Variants in TENM4 observed in about 807,000 individuals in gnomAD.
TENM4 encodes the protein teneurin transmembrane protein 4.
A neutral mutation model predicts 243.3 loss-of-function variants in TENM4; 82 were observed. The ratio of observed to expected loss-of-function variants is 0.34; its 90% CI spans 0.28 to 0.40. The LOEUF is 0.40. Ranked by LOEUF, TENM4 falls within the 10% of genes least tolerant of loss-of-function variation. The probability of loss-of-function intolerance (pLI) is 1.00; values close to 1 mark genes in which losing one functional copy is unlikely to be tolerated. For synonymous variants in TENM4, 1,412 were observed against 1,456.3 expected, an observed-to-expected ratio of 0.97 and a Z score of 0.69; for missense variants, 3,138 against 3,673.3, an observed-to-expected ratio of 0.85 and a Z score of 3.77.
In TENM4 at chr11:78,767,178, T is replaced by C. The variant is rs116767035; in HGVS notation, c.2539+3814A>G. On this transcript the variant is annotated intron_variant, in intron 18 of 33. Coordinates refer to ENST00000278550, the MANE Select transcript of TENM4 (RefSeq NM_001098816.3). Reference sequence around the variant, plus strand: ...GTCTGGACACAGTGAGAAGCTCTAATGTCGCCAAGACCTCACATACTCTGG... The same window carrying C: ...GTCTGGACACAGTGAGAAGCTCTAACGTCGCCAAGACCTCACATACTCTGG... Among the ~76,000 whole-genome samples the C allele has an allele frequency of 6.6e-3, 998 of 152,330 alleles. 11 individuals carry two copies. The highest frequency in any genetic ancestry group is 0.022 in the African/African-American group (935 of 41,590).
At chr11:78,861,071 A>G (rs1858807079) in intron 10 of TENM4, among the ~76,000 whole-genome samples, 1 of 152,194 alleles carries the variant, frequency 6.6e-6, no homozygotes. Flanking sequence ...CAGTTCCTTG[A>G]GGGTTAAGCA....
chr11:78,672,652 G>T (rs1043902723), intron 30 of TENM4, among the ~76,000 whole-genome samples: 2 of 152,206 alleles, frequency 1.3e-5, no homozygotes, highest in African/African-American at 4.8e-5. Context: ...ATGAGGACAC[G>T]TTTTAAAAGG....
At chr11:79,124,775 A>C (rs1333852147) in intron 4 of TENM4, among the ~76,000 whole-genome samples, 1 of 145,314 alleles carries the variant, frequency 6.9e-6, no homozygotes, top group African/African-American at 2.5e-5. Flanking sequence ...ATATATATAC[A>C]CATATATATG....
At chr11:79,337,281 G>A (rs532731308) in intron 1 of TENM4, among the ~76,000 whole-genome samples, 1 of 152,340 alleles carries the variant, frequency 6.6e-6, no homozygotes, top group Admixed American at 6.5e-5. Flanking sequence ...AGGAGCAGAT[G>A]TTTGATGGCA....
At position 78,805,294 on chromosome 11, in the gene TENM4, A is replaced by G; in HGVS notation, c.2177T>C (p.Ile726Thr). 1 of 294,960 alleles carries G rather than the reference A, an allele frequency of 3.4e-6. No homozygotes were observed. The highest frequency in any genetic ancestry group is 4.6e-6 in the Non-Finnish European group (1 of 217,598). 18.3% of individuals were successfully genotyped at this position (294,960 alleles called of 1,614,324 possible). A position where few individuals can be genotyped will look rare whatever the true frequency, so the allele number is the denominator to read the frequency against. The change falls in exon 15 of 34, where the codon ATC becomes ACC. Residue 726 changes from isoleucine to threonine, a missense_variant and splice_region_variant. By Grantham distance (89) the Ile-to-Thr change is moderately conservative (BLOSUM62 -1). This residue lies in a region of TENM4 where 2,467 missense variants were observed against 3,059.1 expected (regional missense o/e 0.81). Coordinates refer to ENST00000278550, the MANE Select transcript of TENM4 (RefSeq NM_001098816.3). ...DPSWTGHDCS[I>T]EICAADCGGH... ...GCTTCTTCTCCCCCTGCATTTACCGATAGAACAGTCGTGTCCAGTCCAGCT... is the reference window on the plus strand; with the variant it reads ...GCTTCTTCTCCCCCTGCATTTACCGGTAGAACAGTCGTGTCCAGTCCAGCT...
At chr11:78,970,238 G>T in intron 6 of TENM4, among the ~76,000 whole-genome samples, 1 of 152,088 alleles carries the variant, frequency 6.6e-6, no homozygotes, top group Non-Finnish European at 1.5e-5. Context: ...GCCAAAGAGG[G>T]ACCACGTATT....
At position 78,966,531 on chromosome 11, in the gene TENM4, G is replaced by C. The variant is rs186595108; in HGVS notation, c.494-63008C>G. On this transcript the variant is annotated intron_variant, in intron 6 of 33. Transcript: ENST00000278550. The stretch of plus-strand genomic sequence containing the variant: ...CACAGCTGCAAGGGAGCTGGAAGGA[G>C]GGGAGGGAGAGTGCACAAGGAGGTC... 5.1e-4 allele frequency among the ~76,000 whole-genome samples: 78 copies of C among 152,290 alleles called. 1 individual carries two copies. In the East Asian group the frequency reaches 0.014, roughly 26 times the overall value.
chr11:78,953,990 T>A (rs891421568), intron 6 of TENM4, among the ~76,000 whole-genome samples: 1 of 152,248 alleles, frequency 6.6e-6, no homozygotes, highest in Non-Finnish European at 1.5e-5. Flanking sequence ...TCTTCTGGCT[T>A]CAGTCCTTTT....
intron 6 of TENM4, among the ~76,000 whole-genome samples, chr11:79,003,587 G>T (rs1858392810): frequency 6.6e-6 from 1 of 152,114 alleles, no homozygotes; most frequent in African/African-American, 2.4e-5. Context: ...ATACTTTTCA[G>T]ATAAGCAAAT....
intron 6 of TENM4, among the ~76,000 whole-genome samples, chr11:78,990,231 G>T (rs1858009433): frequency 6.6e-6 from 1 of 152,124 alleles, no homozygotes; most frequent in Admixed American, 6.5e-5. Context: ...AAAGAAGACA[G>T]CTCAAGGTTA....
intron 6 of TENM4, among the ~76,000 whole-genome samples, chr11:78,971,136 G>A (rs993487108): frequency 1.3e-5 from 2 of 152,080 alleles, no homozygotes; most frequent in Admixed American, 6.5e-5. Flanking sequence ...TGATCCTCCC[G>A]ACTCAGCCTC....
intron 4 of TENM4, among the ~76,000 whole-genome samples, chr11:79,109,003 G>A (rs1437239517): frequency 6.6e-6 from 1 of 152,096 alleles, no homozygotes; most frequent in Non-Finnish European, 1.5e-5. Context: ...GAAGGCCTGG[G>A]ATAATTCCAT....
intron 15 of TENM4, among the ~76,000 whole-genome samples, chr11:78,803,141 C>T (rs1242140782): frequency 2.0e-5 from 3 of 151,872 alleles, no homozygotes; most frequent in African/African-American, 2.4e-5. Context: ...AGAGATTCTC[C>T]GCCTCAGCCT....
chr11:79,252,543 G>T (rs144415234), intron 2 of TENM4, among the ~76,000 whole-genome samples: 23 of 152,288 alleles, frequency 1.5e-4, no homozygotes, highest in African/African-American at 5.5e-4. Flanking sequence ...GGCTGAAGCA[G>T]TTCTACTCTC....
At chr11:78,992,003 C>G (rs1483008171) in intron 6 of TENM4, among the ~76,000 whole-genome samples, 2 of 152,260 alleles carry the variant, frequency 1.3e-5, no homozygotes, top group African/African-American at 4.8e-5. Flanking sequence ...TATGGATTTT[C>G]CCTAAATTTG....
chr11:78,715,228 T>G (rs1211096712), intron 25 of TENM4, among the ~76,000 whole-genome samples: 4 of 152,216 alleles, frequency 2.6e-5, no homozygotes, highest in Non-Finnish European at 4.4e-5. Context: ...ATGACATCAA[T>G]TCTGGCTACA....
chr11:79,161,912 C>G (rs1040482963), intron 3 of TENM4, among the ~76,000 whole-genome samples: 4 of 152,152 alleles, frequency 2.6e-5, no homozygotes, highest in Non-Finnish European at 5.9e-5. Context: ...ATCCACAGCA[C>G]AACATGGACA....
At chr11:78,882,270 C>T (rs1403210883) in intron 9 of TENM4, among the ~76,000 whole-genome samples, 3 of 152,174 alleles carry the variant, frequency 2.0e-5, no homozygotes, top group Non-Finnish European at 4.4e-5. Context: ...ATAAATTCAC[C>T]CTGGCCTCTA....
chr11:79,303,881 G>C (rs577479386), intron 1 of TENM4, among the ~76,000 whole-genome samples: 1 of 152,208 alleles, frequency 6.6e-6, no homozygotes, highest in Non-Finnish European at 1.5e-5. Flanking sequence ...AGCGTGTTAA[G>C]AAGCCATCCA....
Sources: gnomAD v4.1 joint callset for allele counts (sites outside exome capture counted in the v4.1 genomes callset) on GRCh38, gnomAD v4.1.1 for gene constraint, gnomAD v4.1.1 regional missense constraint, MANE v1.5 for transcripts, NCBI Gene and HGNC (gene_info 2026-07-23, HGNC 2026-07-21) for gene names.